The following NCOR2 variants were observed in gnomAD, a reference collection of about 807,000 sequenced individuals.
NCOR2 encodes CTG repeat protein 26.
In NCOR2, 81 loss-of-function variants were observed where a neutral mutation model predicts 262.9. The ratio of observed to expected loss-of-function variants is 0.31; its 90% CI spans 0.26 to 0.37. NCOR2 has a LOEUF of 0.37. Ranked by LOEUF, NCOR2 falls within the 10% of genes least tolerant of loss-of-function variation. The probability of loss-of-function intolerance (pLI) is 1.00; values close to 1 mark genes in which losing one functional copy is unlikely to be tolerated. For missense variants in NCOR2, 3,385 were observed against 3,621.4 expected (o/e 0.93, Z 1.68); for synonymous variants, 1,659 against 1,559.3 (o/e 1.06, Z -1.51).
At chr12:124,403,978 AC>A (rs770967028) in intron 13 of NCOR2, among the ~76,000 whole-genome samples, 2 of 151,854 alleles carry the variant, frequency 1.3e-5, no homozygotes, top group Non-Finnish European at 1.5e-5. Context: ...CCTGGAACAG[AC>A]CCCCCGGCCC....
chr12:124,339,566 T>TTTATC (rs2036239825), intron 37 of NCOR2, among the ~76,000 whole-genome samples: 1 of 133,652 alleles, frequency 7.5e-6, no homozygotes, highest in Non-Finnish European at 1.6e-5. Flanking sequence ...CATCCATCCA[T>TTTATC]CCACCCACCC....
chr12:124,385,668 C>G, intron 17 of NCOR2, 77 bp downstream of exon 19: 1 of 1,567,300 alleles, frequency 6.4e-7, no homozygotes, highest in Non-Finnish European at 8.6e-7. Flanking sequence ...TCCTGGGGTG[C>G]AGAGACATCT....
At chr12:124,511,741 G>C (rs1338125723) in intron 1 of NCOR2, among the ~76,000 whole-genome samples, 1 of 152,136 alleles carries the variant, frequency 6.6e-6, no homozygotes, top group African/African-American at 2.4e-5. Flanking sequence ...CAGGCACAAA[G>C]GGGTTCTCGG....
intron 44 of NCOR2, among the ~76,000 whole-genome samples, chr12:124,327,903 G>A (rs1274074275): frequency 6.6e-6 from 1 of 152,096 alleles, no homozygotes; most frequent in Non-Finnish European, 1.5e-5. Flanking sequence ...TGCCAGGGAG[G>A]TGGGGTAGGG....
intron 12 of NCOR2, 33 bp downstream of exon 14, chr12:124,422,468 G>A (rs375315620): frequency 1.9e-6 from 3 of 1,613,324 alleles, no homozygotes; most frequent in Non-Finnish European, 1.7e-6. Context: ...CGGAGGTGGA[G>A]ACCGAAGGGG....
exon 20 of NCOR2, chr12:124,372,387 C>A (rs775633493): frequency 1.3e-6 from 2 of 1,493,100 alleles, no homozygotes; most frequent in Non-Finnish European, 1.8e-6. Context: ...GTGCAGAGGG[C>A]GATGGGGGTG....
intron 1 of NCOR2, chr12:124,513,573 T>G (rs2049539704): frequency 6.6e-6 from 1 of 152,186 alleles, no homozygotes. Context: ...GCCATTCAGT[T>G]GGTAATACTG....
rs530019939 is a variant in NCOR2, at chr12:124,340,972, C to A, written c.5189-221G>T. On this transcript the variant is annotated intron_variant, in intron 34 of 46. Transcript: ENST00000405201. ...TCCTCTTCTGCTCCCAAGCCCGAGC[C>A]GGGGCATCTCCTGCAGCTGCCCTCA... 3.9e-5 allele frequency among the ~76,000 whole-genome samples: 6 copies of A among 152,352 alleles called. 1 individual carries two copies. Among genetic ancestry groups the A allele is most frequent in the Admixed American group, 3.9e-4 (6 of 15,308 alleles).
At chr12:124,339,386 ACCTACCTACCTACCTACCAC>A (rs2036213135) in intron 37 of NCOR2, among the ~76,000 whole-genome samples, 1 of 128,776 alleles carries the variant, frequency 7.8e-6, no homozygotes, top group African/African-American at 3.1e-5. Flanking sequence ...CTACCTACCT[ACCTACCTACCTACCTACCAC>A]CCACCCACCC....
At chr12:124,334,535 C>T in exon 41 of NCOR2, 1 of 1,432,644 alleles carries the variant, frequency 7.0e-7, no homozygotes, top group Non-Finnish European at 9.1e-7. Flanking sequence ...GCAGCTGGCC[C>T]CAGGGAAGGA....
intron 37 of NCOR2, among the ~76,000 whole-genome samples, chr12:124,338,130 T>G (rs537506499): frequency 6.6e-6 from 1 of 152,334 alleles, no homozygotes; most frequent in South Asian, 2.1e-4. Context: ...AGGGGAGGTA[T>G]GACTTCAGGC....
At chr12:124,403,273 C>A (rs1019638306) in intron 13 of NCOR2, among the ~76,000 whole-genome samples, 2 of 152,168 alleles carry the variant, frequency 1.3e-5, no homozygotes, top group Non-Finnish European at 2.9e-5. Context: ...TGGTCTCCCT[C>A]GCATGCCAGC....
At chr12:124,428,595 T>C (rs751964092) in intron 10 of NCOR2, among the ~76,000 whole-genome samples, 1 of 152,166 alleles carries the variant, frequency 6.6e-6, no homozygotes, top group Admixed American at 6.5e-5. Flanking sequence ...GCGCGTTCTG[T>C]TGTCCAACAG....
At chr12:124,363,275 G>A (rs1032580261) in intron 21 of NCOR2, among the ~76,000 whole-genome samples, 12 of 152,212 alleles carry the variant, frequency 7.9e-5, no homozygotes, top group East Asian at 3.8e-4. Context: ...AAGGGCCCAC[G>A]CACCCAGCTG....
At chr12:124,351,613 G>A (rs1159306427) in intron 27 of NCOR2, among the ~76,000 whole-genome samples, 1 of 152,188 alleles carries the variant, frequency 6.6e-6, no homozygotes, top group Non-Finnish European at 1.5e-5. Context: ...ACGTGGGGCA[G>A]CATCCTGCCT....
chr12:124,554,636 G>A (rs1027781468), intron 1 of NCOR2, among the ~76,000 whole-genome samples: 2 of 152,220 alleles, frequency 1.3e-5, no homozygotes, highest in African/African-American at 2.4e-5. Flanking sequence ...GGCAGCGAGA[G>A]CCTGAAGGTC....
chr12:124,363,717 T>C, exon 21 of NCOR2: 1 of 1,412,266 alleles, frequency 7.1e-7, no homozygotes, highest in South Asian at 1.7e-5. Flanking sequence ...TTCAGCTGCT[T>C]CAGGTCCAGT....
chr12:124,466,241 G>T, exon 5 of NCOR2: 1 of 1,609,732 alleles, frequency 6.2e-7, no homozygotes. Flanking sequence ...GGTGACACGG[G>T]CTTCTCAGGC....
At chr12:124,367,483 T>C (rs2039130548) in intron 20 of NCOR2, among the ~76,000 whole-genome samples, 1 of 151,968 alleles carries the variant, frequency 6.6e-6, no homozygotes, top group Non-Finnish European at 1.5e-5. Flanking sequence ...CGGCCACCAA[T>C]AGTGGAGGAG....
Sources: gnomAD v4.1 joint callset for allele counts (sites outside exome capture counted in the v4.1 genomes callset) on GRCh38, gnomAD v4.1.1 for gene constraint, MANE v1.5 for transcripts, NCBI Gene and HGNC (gene_info 2026-07-23, HGNC 2026-07-21) for gene names.